Variants in DGCR2 observed in about 807,000 individuals in gnomAD.
DGCR2 encodes integral membrane protein DGCR2/IDD.
In DGCR2, 24 loss-of-function variants were observed where a neutral mutation model predicts 51.6. That is an observed-to-expected ratio of 0.47 (90% CI 0.34 to 0.65). The LOEUF (loss-of-function observed/expected upper bound fraction) is 0.65. DGCR2 is among the 30% of genes least tolerant of loss of function. DGCR2 has a pLI of 0.01. For synonymous variants in DGCR2, 340 were observed against 315.4 expected (o/e 1.08, Z -0.82); for missense variants, 765 against 772.1 (o/e 0.99, Z 0.11).
intron 9 of DGCR2, 82 bp downstream of exon 9, chr22:19,040,976 G>T: frequency 1.6e-6 from 2 of 1,278,566 alleles, no homozygotes; most frequent in Non-Finnish European, 2.2e-6. Flanking sequence ...CTAGGCCTCT[G>T]CAGCTGGGCA....
At chr22:19,051,907 A>AT (rs2082552627) in intron 6 of DGCR2, among the ~76,000 whole-genome samples, 1 of 152,214 alleles carries the variant, frequency 6.6e-6, no homozygotes, top group African/African-American at 2.4e-5. Flanking sequence ...TACCTAACAG[A>AT]AGGGCTAAGA....
intron 7 of DGCR2, among the ~76,000 whole-genome samples, chr22:19,042,600 A>C (rs6518516): frequency 6.6e-6 from 1 of 152,018 alleles, no homozygotes; most frequent in South Asian, 2.1e-4. Context: ...CGGCTGCCGT[A>C]GGGAGGACAG....
Position 19,089,398 on chromosome 22 carries a change from C to T in DGCR2, c.172G>A (p.Glu58Lys). Reference protein sequence around the residue: ...PWQCDGWATCEDESDEANCPE... With the variant: ...PWQCDGWATCKDESDEANCPE... Reference sequence around the variant, plus strand: ...CAGTTGGCTTCGTCGCTCTCATCCTCGCAAGTCGCCCAGCCGTCACACTGC... The same window carrying T: ...CAGTTGGCTTCGTCGCTCTCATCCTTGCAAGTCGCCCAGCCGTCACACTGC... The change falls in exon 2 of 10, where the codon GAG (glutamate) becomes AAG (lysine). Residue 58 changes from glutamate to lysine, a missense_variant. Physicochemically the swap from Glu to Lys is moderately conservative, Grantham distance 56. Around this residue, in one of 3 missense-constraint regions of DGCR2, gnomAD observed 370 missense variants for 325.5 expected, o/e 1.14. Coordinates refer to ENST00000263196, the MANE Select transcript of DGCR2 (RefSeq NM_005137.3). 1 of 1,610,826 alleles carries T rather than the reference C, an allele frequency of 6.2e-7. No homozygotes were observed. The highest frequency in any genetic ancestry group is 8.5e-7 in the Non-Finnish European group (1 of 1,178,434).
At chr22:19,044,701 C>G (rs560456941) in intron 7 of DGCR2, among the ~76,000 whole-genome samples, 2 of 152,344 alleles carry the variant, frequency 1.3e-5, no homozygotes, top group Middle Eastern at 6.8e-3. Flanking sequence ...TGGTACCCCA[C>G]GTGGATTTAG....
chr22:19,046,822 G>A, intron 7 of DGCR2: 1 of 378,276 alleles, frequency 2.6e-6, no homozygotes, highest in Non-Finnish European at 5.5e-6. Context: ...GCCCTGCTCT[G>A]CTAAGAAGTC....
chr22:19,051,188 C>CAAA lies in DGCR2; in HGVS notation c.803-2548_803-2546dup, dbSNP rs61277487. On this transcript the variant is annotated intron_variant, in intron 6 of 9. Transcript: ENST00000263196. ...TGGGCAACAGAGTGAAATTCTGTCACAAAAAAAAAAAAAAAAAAAAAAAAA... is the reference window on the plus strand; with the variant it reads ...TGGGCAACAGAGTGAAATTCTGTCACAAAAAAAAAAAAAAAAAAAAAAAAAAAA... Among the ~76,000 whole-genome samples the CAAA allele has an allele frequency of 9.5e-3, 510 of 53,732 alleles. 10 individuals are homozygous for CAAA. Among genetic ancestry groups the CAAA allele is most frequent in the East Asian group, 0.013 (20 of 1,522 alleles). The allele number at this position is 53,732 out of a possible 152,430, so 35.3% of individuals were successfully genotyped here.
In DGCR2 at chr22:19,037,791, G is replaced by C. The variant is rs2082386922; in HGVS notation, c.*1074C>G. 6.6e-6 allele frequency: 1 copy of C among 152,566 alleles called. No homozygotes were observed. Among genetic ancestry groups the C allele is most frequent in the Non-Finnish European group, 1.5e-5 (1 of 68,082 alleles). The allele number at this position is 152,566 out of a possible 1,614,324, so 9.5% of individuals were successfully genotyped here. A position where few individuals can be genotyped will look rare whatever the true frequency, so the allele number is the denominator to read the frequency against. Reference sequence around the variant, plus strand: ...CGTCAGGCAAAAGGGTGCCAGGAAGGGCCCCCAGCCCCTGCGCTGCTGAGG... The same window carrying C: ...CGTCAGGCAAAAGGGTGCCAGGAAGCGCCCCCAGCCCCTGCGCTGCTGAGG... On this transcript the variant is annotated 3_prime_UTR_variant, in exon 10 of 10. Coordinates refer to ENST00000263196, the MANE Select transcript of DGCR2 (RefSeq NM_005137.3).
intron 9 of DGCR2, among the ~76,000 whole-genome samples, chr22:19,039,943 G>A (rs56335412): frequency 0.043 from 6,483 of 152,198 alleles, 210 homozygotes; most frequent in Non-Finnish European, 0.067. Flanking sequence ...GGGCAACATA[G>A]TGAGACCCCT....
chr22:19,042,021 G>T (rs2082438574), intron 7 of DGCR2, 62 bp from the exon 8 acceptor site: 3 of 1,551,008 alleles, frequency 1.9e-6, no homozygotes, highest in Non-Finnish European at 2.6e-6. Flanking sequence ...CTACGCTGGG[G>T]ATGCTGTCGT....
At chr22:19,090,904 G>C (rs535858912) in intron 1 of DGCR2, among the ~76,000 whole-genome samples, 3 of 151,924 alleles carry the variant, frequency 2.0e-5, no homozygotes, top group Non-Finnish European at 4.4e-5. Context: ...TACGCAGAAC[G>C]ATCTAAACAC....
At chr22:19,110,862 C>G (rs1230683841) in intron 1 of DGCR2, among the ~76,000 whole-genome samples, 1 of 152,138 alleles carries the variant, frequency 6.6e-6, no homozygotes, top group Non-Finnish European at 1.5e-5. Flanking sequence ...AAACCTACTT[C>G]CTATAAAAAG....
At chr22:19,067,003 T>G (rs146572433) in intron 3 of DGCR2, among the ~76,000 whole-genome samples, 313 of 152,288 alleles carry the variant, frequency 2.1e-3, no homozygotes, top group African/African-American at 7.2e-3. Context: ...GGAGACAAAG[T>G]GCATCACCAG....
chr22:19,053,575 G>C (rs1178237818), intron 6 of DGCR2, among the ~76,000 whole-genome samples: 2 of 152,106 alleles, frequency 1.3e-5, no homozygotes, highest in South Asian at 2.1e-4. Context: ...CACAAGAAAG[G>C]CCTAGTGGAA....
Position 19,122,099 on chromosome 22 carries a change from C to T in DGCR2, c.79+29G>A, listed in dbSNP as rs766007933. 11 of 1,472,526 alleles carry T rather than the reference C, an allele frequency of 7.5e-6. No homozygotes were observed. The South Asian group carries it at 1.3e-4, about 17-fold the overall frequency. The allele number at this position is 1,472,526 out of a possible 1,614,324, so 91.2% of individuals were successfully genotyped here. A position where few individuals can be genotyped will look rare whatever the true frequency, so the allele number is the denominator to read the frequency against. On this transcript the variant is annotated intron_variant, in intron 1 of 9. Coordinates refer to ENST00000263196, the MANE Select transcript of DGCR2 (RefSeq NM_005137.3). ...ACCCCGGCCCCGCTCGCCGCCCAGC[C>T]CCCACACCGCCCCCATCGCGCGGCG...
Position 19,113,110 on chromosome 22 carries a change from G to A in DGCR2, c.79+9018C>T, listed in dbSNP as rs534836760. Among the ~76,000 whole-genome samples, 38 of 103,408 alleles carry A rather than the reference G, an allele frequency of 3.7e-4. 6 individuals carry two copies. Among genetic ancestry groups the A allele is most frequent in the Non-Finnish European group, 6.1e-4 (27 of 44,392 alleles). The allele number at this position is 103,408 out of a possible 152,430, so 67.8% of individuals were successfully genotyped here. ...GTATGGGCCAGGCACAGTGGCTCAC[G>A]GCTGTAATACCAGCACTTTGGGAGG... is the stretch of plus-strand genomic sequence containing the variant. On this transcript the variant is annotated intron_variant, in intron 1 of 9. Transcript: ENST00000263196.
At chr22:19,101,570 G>T (rs545154473) in intron 1 of DGCR2, among the ~76,000 whole-genome samples, 1 of 151,776 alleles carries the variant, frequency 6.6e-6, no homozygotes, top group Non-Finnish European at 1.5e-5. Flanking sequence ...GTGAAACCCC[G>T]TCTCTACCAA....
chr22:19,066,220 C>T (rs1443832723), intron 3 of DGCR2, among the ~76,000 whole-genome samples: 1 of 151,970 alleles, frequency 6.6e-6, no homozygotes, highest in African/African-American at 2.4e-5. Context: ...GGCAACATGG[C>T]GAAACCCCCT....
Position 19,038,552 on chromosome 22 carries a change from T to C in DGCR2, c.*313A>G, listed in dbSNP as rs1307840905. The C allele has an allele frequency of 7.4e-6, 3 of 406,214 alleles. No individual in the cohort carries two copies. The highest frequency in any genetic ancestry group is 6.7e-4 in the Middle Eastern group (1 of 1,490). The allele number at this position is 406,214 out of a possible 1,614,324, so 25.2% of individuals were successfully genotyped here. ...CATCAGGTGTGGCCATGGCCCACAG[T>C]ACCTTCTTCATTCCCTGCCTCTAAC... On this transcript the variant is annotated 3_prime_UTR_variant, in exon 10 of 10. Coordinates refer to ENST00000263196, the MANE Select transcript of DGCR2 (RefSeq NM_005137.3).
In DGCR2 at chr22:19,062,774, T is replaced by TTCTCTCTCTCTCTCTCTCTCTC. The variant is rs1569052709; in HGVS notation, c.625+427_625+428insGAGAGAGAGAGAGAGAGAGAGA. ...ATCTTTGCGCACACACACACATGCA[T>TTCTCTCTCTCTCTCTCTCTCTC]GCTCACTCTCTCTCTCTCTCTCTCT... is the stretch of plus-strand genomic sequence containing the variant. On this transcript the variant is annotated intron_variant, in intron 5 of 9. Transcript: ENST00000263196. 1.8e-4 allele frequency among the ~76,000 whole-genome samples: 21 copies of TTCTCTCTCTCTCTCTCTCTCTC among 113,972 alleles called. No individual in the cohort carries two copies. The South Asian group carries it at 2.7e-3, about 15-fold the overall frequency. 74.8% of individuals were successfully genotyped at this position (113,972 alleles called of 152,430 possible). A position where few individuals can be genotyped will look rare whatever the true frequency, so the allele number is the denominator to read the frequency against.
Sources: allele counts gnomAD v4.1 joint callset (sites outside exome capture counted in the v4.1 genomes callset), GRCh38; gene constraint gnomAD v4.1.1; regional missense constraint gnomAD v4.1.1; transcripts MANE v1.5; gene names NCBI Gene and HGNC (gene_info 2026-07-23, HGNC 2026-07-21).